APPL2: variants seen among roughly 807,000 people sequenced by gnomAD.
APPL2 encodes DCC-interacting protein 13-beta.
A neutral mutation model predicts 92.7 loss-of-function variants in APPL2; 84 were observed. That is an observed-to-expected ratio of 0.91 (90% CI 0.76 to 1.09). The LOEUF (loss-of-function observed/expected upper bound fraction) is 1.09, where lower values mean the gene tolerates loss of function less well. APPL2 is among the 50% of genes least tolerant of loss of function. The pLI is 0.00. For synonymous variants in APPL2, 291 were observed against 291.0 expected, an observed-to-expected ratio of 1.00 and a Z score of 0.00; for missense variants, 736 against 824.5, an observed-to-expected ratio of 0.89 and a Z score of 1.31.
chr12:105,226,617 C>T (rs75524613), intron 2 of APPL2, among the ~76,000 whole-genome samples: 1 of 152,200 alleles, frequency 6.6e-6, no homozygotes, highest in African/African-American at 2.4e-5. Context: ...CAGTCTCTCA[C>T]GTCTTGGGTT....
intron 17 of APPL2, among the ~76,000 whole-genome samples, chr12:105,183,610 T>G (rs1257827805): frequency 6.6e-6 from 1 of 152,236 alleles, no homozygotes. Flanking sequence ...GTTGTAGCGT[T>G]TCTGCAGAGA....
intron 5 of APPL2, among the ~76,000 whole-genome samples, chr12:105,209,474 C>T (rs902366823): frequency 2.0e-5 from 3 of 152,134 alleles, no homozygotes; most frequent in African/African-American, 7.2e-5. Context: ...TAATGGAGGC[C>T]ACTGTCATTA....
intron 4 of APPL2, among the ~76,000 whole-genome samples, chr12:105,216,808 T>C: frequency 6.6e-6 from 1 of 152,212 alleles, no homozygotes; most frequent in South Asian, 2.1e-4. Flanking sequence ...ACTAATATAC[T>C]CTCCTTTAGA....
chr12:105,215,246 A>T (rs11831854), intron 4 of APPL2, among the ~76,000 whole-genome samples: 28,347 of 152,060 alleles, frequency 0.19, 2,798 homozygotes, highest in East Asian at 0.25. Flanking sequence ...TGGCGGGATC[A>T]TGCCCTTAAC....
rs930659917 is a variant in APPL2 at position 105,195,578 on chromosome 12, T to A, written c.1095+7A>T. 1 of 1,614,056 alleles carries A rather than the reference T, an allele frequency of 6.2e-7. No homozygotes were observed. Among genetic ancestry groups the A allele is most frequent in the African/African-American group, 1.3e-5 (1 of 74,910 alleles). Reference sequence around the variant, plus strand: ...TAGGAAAGAAATATGACAAACAAAATTTTTACCTCTTCATTTTCCTTTCTG... The same window carrying A: ...TAGGAAAGAAATATGACAAACAAAAATTTTACCTCTTCATTTTCCTTTCTG... On this transcript the variant is annotated splice_region_variant and intron_variant, in intron 12 of 20. Transcript: ENST00000258530.
Position 105,207,104 on chromosome 12 carries a change from T to G in APPL2, c.578A>C (p.Gln193Pro), listed in dbSNP as rs767809247. The G allele has an allele frequency of 6.2e-7, 1 of 1,614,224 alleles. No homozygotes were observed. The highest frequency in any genetic ancestry group is 2.2e-5 in the East Asian group (1 of 44,882). Residue 193 changes from glutamine (Q) to proline (P), a missense_variant, in exon 8 of 21, where the codon CAA becomes CCA. By Grantham distance (76) the Gln-to-Pro change is moderately conservative. Coordinates refer to ENST00000258530, the MANE Select transcript of APPL2 (RefSeq NM_018171.5). Reference sequence around the variant, plus strand: ...TATCATGGGCTCCATCATGGCCATTTGCTTTCTGTACTGCAGCGCGTTGAG... The same window carrying G: ...TATCATGGGCTCCATCATGGCCATTGGCTTTCTGTACTGCAGCGCGTTGAG... Reference protein sequence around the residue: ...CALNALQYRKQMAMMEPMIGF... With the variant: ...CALNALQYRKPMAMMEPMIGF...
intron 8 of APPL2, among the ~76,000 whole-genome samples, chr12:105,206,114 T>C (rs1316577017): frequency 6.6e-6 from 1 of 152,228 alleles, no homozygotes; most frequent in Admixed American, 6.5e-5. Context: ...TGAGCTGCAC[T>C]TTTTTTCTCT....
rs756654740 is a variant in APPL2, at chr12:105,177,195, T to C, written c.1671+31A>G. The C allele has an allele frequency of 1.4e-5, 23 of 1,612,206 alleles. 1 individual carries two copies. In the Admixed American group the frequency reaches 2.2e-4, roughly 15 times the overall value. ...GATACAAAGGTGAATTAAGGAGTAA[T>C]CACTAACATGAACCTGTATGCGGTA... On this transcript the variant is annotated intron_variant, in intron 18 of 20. Transcript: ENST00000258530.
intron 8 of APPL2, among the ~76,000 whole-genome samples, chr12:105,204,693 T>C (rs1227178367): frequency 6.6e-6 from 1 of 152,286 alleles, no homozygotes; most frequent in East Asian, 1.9e-4. Flanking sequence ...AATGGCACAA[T>C]GTCATGGTGG....
chr12:105,217,644 G>A, intron 3 of APPL2, 22 bp downstream of exon 3: 1 of 1,613,030 alleles, frequency 6.2e-7, no homozygotes, highest in East Asian at 2.2e-5. Flanking sequence ...CAGCATCACA[G>A]GCCACATAAA....
intron 3 of APPL2, 23 bp from the exon 4 acceptor site, chr12:105,217,163 G>A: frequency 6.4e-7 from 1 of 1,568,136 alleles, no homozygotes; most frequent in Non-Finnish European, 8.7e-7. Flanking sequence ...AATAAAAGAA[G>A]CAGGTGTTAA....
At chr12:105,187,681 A>C (rs1187937708) in intron 17 of APPL2, among the ~76,000 whole-genome samples, 1 of 152,218 alleles carries the variant, frequency 6.6e-6, no homozygotes, top group Non-Finnish European at 1.5e-5. Flanking sequence ...TTAACCTAAA[A>C]AATTAGTGAG....
intron 17 of APPL2, among the ~76,000 whole-genome samples, chr12:105,178,932 T>C (rs1288694405): frequency 6.6e-6 from 1 of 152,206 alleles, no homozygotes; most frequent in African/African-American, 2.4e-5. Flanking sequence ...AACACATGCA[T>C]ATTTTGTGGG....
intron 2 of APPL2, among the ~76,000 whole-genome samples, chr12:105,228,860 C>T (rs907923764): frequency 6.6e-6 from 1 of 152,006 alleles, no homozygotes; most frequent in African/African-American, 2.4e-5. Context: ...ATGTTTCCCA[C>T]TGGGTTGAAT....
chr12:105,233,270 C>T (rs1891049313), intron 1 of APPL2: 1 of 985,318 alleles, frequency 1.0e-6, no homozygotes, highest in African/African-American at 1.7e-5. Context: ...TCCCAACAGC[C>T]AGTAGTGCCA....
At chr12:105,207,919 T>A (rs7975115) in intron 7 of APPL2, 52 bp downstream of exon 7, 32 of 1,523,760 alleles carry the variant, frequency 2.1e-5, no homozygotes, top group Non-Finnish European at 2.6e-5. Context: ...GAGGAAGGCA[T>A]GAAAGGCCTT....
chr12:105,178,984 TTC>T (rs1265657990), intron 17 of APPL2, among the ~76,000 whole-genome samples: 2 of 152,130 alleles, frequency 1.3e-5, no homozygotes, highest in Non-Finnish European at 2.9e-5. Context: ...TAACCTAGAT[TTC>T]TCTTTTTTTA....
At chr12:105,192,533 A>G (rs1310643917) in intron 14 of APPL2, among the ~76,000 whole-genome samples, 2 of 149,536 alleles carry the variant, frequency 1.3e-5, no homozygotes, top group African/African-American at 4.9e-5. Flanking sequence ...AGTTCCTCAG[A>G]TATACTAAGA....
chr12:105,180,824 CTT>C (rs1254267710), intron 17 of APPL2, among the ~76,000 whole-genome samples: 5 of 152,140 alleles, frequency 3.3e-5, no homozygotes, highest in African/African-American at 9.7e-5. Context: ...TATCCTGAGA[CTT>C]TGCTGACGTT....
Sources: gnomAD v4.1 joint callset for allele counts (sites outside exome capture counted in the v4.1 genomes callset) on GRCh38, gnomAD v4.1.1 for gene constraint, MANE v1.5 for transcripts, NCBI Gene and HGNC (gene_info 2026-07-23, HGNC 2026-07-21) for gene names.